SMS: variants seen among roughly 807,000 people sequenced by gnomAD.
SMS encodes spermidine aminopropyltransferase.
A neutral mutation model predicts 33.0 loss-of-function variants in SMS; 3 were observed. The ratio of observed to expected loss-of-function variants is 0.09; its 90% CI spans 0.04 to 0.23. SMS has a LOEUF of 0.23. Among genes scored for constraint, SMS ranks in the 10% least tolerant of loss-of-function variants. The probability of loss-of-function intolerance (pLI) is 1.00; values close to 1 mark genes in which losing one functional copy is unlikely to be tolerated. For missense variants in SMS, 117 were observed against 288.6 expected (o/e 0.41, Z 4.31); for synonymous variants, 103 against 112.2 (o/e 0.92, Z 0.52).
At chrX:21,960,446 C>G (rs1448335968) in intron 1 of SMS, among the ~76,000 whole-genome samples, 3 of 108,732 alleles carry the variant, frequency 2.8e-5, no homozygotes, top group African/African-American at 1.0e-4. Flanking sequence ...GGTAGATTAT[C>G]AAACATGTAC....
At chrX:21,941,217 TCCCCGGGC>T (rs1303520686) in intron 1 of SMS, 2 of 112,302 alleles carry the variant, frequency 1.8e-5, no homozygotes, top group Admixed American at 1.9e-4. Flanking sequence ...GCTCGGGGAG[TCCCCGGGC>T]TGCCGGGCGC....
intron 1 of SMS, 145 bp from the exon 2 acceptor site, chrX:21,967,051 T>C (rs985135891): frequency 2.6e-6 from 1 of 379,541 alleles, no homozygotes; most frequent in African/African-American, 3.2e-5. Flanking sequence ...TTCAGGTTTT[T>C]TAATTTTTAT....
chrX:21,982,202 G>A (rs1322048406), intron 7 of SMS, among the ~76,000 whole-genome samples: 2 of 108,584 alleles, frequency 1.8e-5, no homozygotes, highest in Non-Finnish European at 3.8e-5. Flanking sequence ...GCTGGGCGTG[G>A]TGGCGGGCAC....
intron 1 of SMS, among the ~76,000 whole-genome samples, chrX:21,966,179 A>G (rs892063249): frequency 8.9e-6 from 1 of 112,243 alleles, no homozygotes; most frequent in Non-Finnish European, 1.9e-5. Context: ...TTGGCAAATC[A>G]CACTGCAATC....
At chrX:21,985,839 A>G (rs1020647871) in intron 9 of SMS, among the ~76,000 whole-genome samples, 3 of 111,314 alleles carry the variant, frequency 2.7e-5, no homozygotes, top group African/African-American at 9.8e-5. Context: ...CCTGGACAAC[A>G]TAGTAAGACT....
At chrX:21,966,626 A>AT (rs758938915) in intron 1 of SMS, among the ~76,000 whole-genome samples, 7 of 111,345 alleles carry the variant, frequency 6.3e-5, no homozygotes, top group Non-Finnish European at 1.3e-4. Context: ...AGTTTCTACC[A>AT]TTTAGAGCTA....
At position 21,940,751 on chromosome X, in the gene SMS, A is replaced by C. The variant is rs1371754869; in HGVS notation, c.-74A>C. ...GCGCAGCACACTCCCAGCCGGCCGC[A>C]GCCTGACACGCCGCGCGGCCCCCCA... On this transcript the variant is annotated 5_prime_UTR_variant, in exon 1 of 11. Transcript: ENST00000404933. 3.4e-6 allele frequency: 3 copies of C among 869,834 alleles called. No homozygotes were observed. In the African/African-American group the frequency reaches 6.4e-5, roughly 19 times the overall value. The allele number at this position is 869,834 out of a possible 1,213,427, so 71.7% of individuals were successfully genotyped here. A position where few individuals can be genotyped will look rare whatever the true frequency, so the allele number is the denominator to read the frequency against.
At chrX:21,949,810 A>T (rs1391612605) in intron 1 of SMS, among the ~76,000 whole-genome samples, 1 of 111,053 alleles carries the variant, frequency 9.0e-6, no homozygotes, top group Non-Finnish European at 1.9e-5. Context: ...TTTTTCTTAG[A>T]GTACAGGTTG....
intron 1 of SMS, among the ~76,000 whole-genome samples, chrX:21,950,308 A>G (rs772027087): frequency 8.1e-5 from 9 of 111,103 alleles, no homozygotes; most frequent in Middle Eastern, 9.2e-3. Context: ...TGGGTTTCTC[A>G]GTCCAAGTGT....
intron 9 of SMS, among the ~76,000 whole-genome samples, chrX:21,991,892 G>T (rs1344649324): frequency 8.9e-6 from 1 of 111,809 alleles, no homozygotes; most frequent in Non-Finnish European, 1.9e-5. Context: ...GAGGCCGGTG[G>T]CTCTTTCTTT....
chrX:21,993,966 A>T (rs1243432295), intron 10 of SMS, among the ~76,000 whole-genome samples: 2 of 95,552 alleles, frequency 2.1e-5, no homozygotes, highest in South Asian at 9.6e-4. Flanking sequence ...ATCTCCCGCT[A>T]CCCTAACTTT....
chrX:21,957,828 T>C (rs914476089), intron 1 of SMS, among the ~76,000 whole-genome samples: 9 of 112,359 alleles, frequency 8.0e-5, no homozygotes, highest in Non-Finnish European at 3.8e-5. Flanking sequence ...AGGTGGTATC[T>C]GATTGTGGTT....
At chrX:21,991,121 A>G (rs886977010) in intron 9 of SMS, among the ~76,000 whole-genome samples, 2 of 112,243 alleles carry the variant, frequency 1.8e-5, no homozygotes, top group Non-Finnish European at 3.8e-5. Flanking sequence ...GGCTGCCTTT[A>G]TTTGTAAATA....
chrX:21,943,243 A>G (rs1004553575), intron 1 of SMS, among the ~76,000 whole-genome samples: 2 of 111,816 alleles, frequency 1.8e-5, no homozygotes, highest in Non-Finnish European at 3.8e-5. Context: ...CCTTGGCCAA[A>G]TTTAGATTTA....
At chrX:21,964,102 A>AC (rs1923540926) in intron 1 of SMS, among the ~76,000 whole-genome samples, 1 of 108,413 alleles carries the variant, frequency 9.2e-6, no homozygotes, top group African/African-American at 3.4e-5. Context: ...TCAGTCTTAA[A>AC]TGTTACAGTT....
At chrX:21,944,679 C>G (rs1233578341) in intron 1 of SMS, among the ~76,000 whole-genome samples, 1 of 108,313 alleles carries the variant, frequency 9.2e-6, no homozygotes, top group Non-Finnish European at 1.9e-5. Context: ...GTGAAACTCT[C>G]TCAAAAACAA....
At chrX:21,947,324 T>A (rs964689836) in intron 1 of SMS, among the ~76,000 whole-genome samples, 1 of 111,356 alleles carries the variant, frequency 9.0e-6, no homozygotes, top group Non-Finnish European at 1.9e-5. Flanking sequence ...GGGGAATGCA[T>A]GCTTGGGCCC....
At chrX:21,990,439 A>G (rs1447263254) in intron 9 of SMS, among the ~76,000 whole-genome samples, 5 of 112,653 alleles carry the variant, frequency 4.4e-5, no homozygotes, top group Non-Finnish European at 7.5e-5. Context: ...CCTTCTTCTT[A>G]TCCTTAATGA....
In SMS at chrX:21,972,400, G is replaced by A. The variant is rs1924229895; in HGVS notation, c.265-107G>A. Reference sequence around the variant, plus strand: ...TGCTAGAGGGTAGGAGGAGGGACAGGTCAATCTTGCACAGCTCTGTCAACA... The same window carrying A: ...TGCTAGAGGGTAGGAGGAGGGACAGATCAATCTTGCACAGCTCTGTCAACA... On this transcript the variant is annotated intron_variant, in intron 3 of 10. Transcript: ENST00000404933. The A allele has an allele frequency of 5.4e-6, 3 of 551,266 alleles. No individual in the cohort carries two copies. The South Asian group carries it at 7.4e-5, about 14-fold the overall frequency. The allele number at this position is 551,266 out of a possible 1,213,427, so 45.4% of individuals were successfully genotyped here. A position where few individuals can be genotyped will look rare whatever the true frequency, so the allele number is the denominator to read the frequency against.
Sources: allele counts gnomAD v4.1 joint callset (sites outside exome capture counted in the v4.1 genomes callset), GRCh38; gene constraint gnomAD v4.1.1; transcripts MANE v1.5; gene names NCBI Gene and HGNC (gene_info 2026-07-23, HGNC 2026-07-21).